SCN8A: variants seen among roughly 807,000 people sequenced by gnomAD.
The protein encoded by SCN8A is sodium channel protein type 8 subunit alpha.
A neutral mutation model predicts 184.1 loss-of-function variants in SCN8A; 30 were observed. That is an observed-to-expected ratio of 0.16 (90% CI 0.12 to 0.22). SCN8A has a LOEUF of 0.22. SCN8A is among the 10% of genes least tolerant of loss of function. SCN8A has a pLI of 1.00. For synonymous variants in SCN8A, 852 were observed against 907.0 expected (o/e 0.94, Z 1.09); for missense variants, 1,057 against 2,498.9 (o/e 0.42, Z 12.30).
chr12:51,667,387 A>G (rs914140030), intron 2 of SCN8A, among the ~76,000 whole-genome samples: 4 of 149,100 alleles, frequency 2.7e-5, no homozygotes, highest in African/African-American at 9.9e-5. Context: ...TTTTTTTTGG[A>G]GACAGAGTCT....
intron 1 of SCN8A, among the ~76,000 whole-genome samples, chr12:51,652,926 A>G (rs1238278050): frequency 6.6e-6 from 1 of 152,246 alleles, no homozygotes; most frequent in Admixed American, 6.5e-5. Context: ...TCAGAGTATC[A>G]TTTATGGCAT....
At chr12:51,793,227 A>C (rs1412609392) in intron 25 of SCN8A, among the ~76,000 whole-genome samples, 1 of 152,160 alleles carries the variant, frequency 6.6e-6, no homozygotes, top group African/African-American at 2.4e-5. Context: ...CCCAAGTTAT[A>C]ATTTTGGAGG....
chr12:51,676,713 A>G (rs1941228327), intron 2 of SCN8A, among the ~76,000 whole-genome samples: 1 of 152,246 alleles, frequency 6.6e-6, no homozygotes, highest in African/African-American at 2.4e-5. Flanking sequence ...AGGGACAGTC[A>G]TAAGTCATTG....
In SCN8A at chr12:51,810,108, T is replaced by G. The variant is rs1470949949; in HGVS notation, c.*2679T>G. On this transcript the variant is annotated 3_prime_UTR_variant, in exon 27 of 27. Coordinates refer to ENST00000627620, the MANE Select transcript of SCN8A (RefSeq NM_001330260.2). ...CTAGGGCATAGTGATGAGATTTTTC[T>G]GAGATCTAACCGTTTCCCTCCGCTA... The G allele has an allele frequency of 1.1e-5, 2 of 177,834 alleles. No homozygotes were observed. The highest frequency in any genetic ancestry group is 4.8e-5 in the African/African-American group (2 of 41,898). The allele number at this position is 177,834 out of a possible 1,614,324, so 11.0% of individuals were successfully genotyped here.
intron 1 of SCN8A, among the ~76,000 whole-genome samples, chr12:51,595,061 A>G (rs899538118): frequency 6.6e-6 from 1 of 152,210 alleles, no homozygotes; most frequent in African/African-American, 2.4e-5. Context: ...TGAGGAATCA[A>G]TAAACCTTTT....
chr12:51,628,948 A>T (rs1007068792), intron 1 of SCN8A, among the ~76,000 whole-genome samples: 1 of 152,144 alleles, frequency 6.6e-6, no homozygotes, highest in African/African-American at 2.4e-5. Flanking sequence ...AGATAAACAT[A>T]GAAGTGTGTA....
chr12:51,807,712 T>G lies in SCN8A; in HGVS notation c.*283T>G. On this transcript the variant is annotated 3_prime_UTR_variant, in exon 27 of 27. Coordinates refer to ENST00000627620, the MANE Select transcript of SCN8A (RefSeq NM_001330260.2). The surrounding 1 kb of genome is among the most constrained non-coding windows in gnomAD (Gnocchi z 4.5). ...GCAACTTAGGACAAAACTAACCAGA[T>G]ACAGAAACAGAAGAGAGGCTGCCGG... 1 of 429,060 alleles carries G rather than the reference T, an allele frequency of 2.3e-6. No individual in the cohort carries two copies. The highest frequency in any genetic ancestry group is 4.0e-5 in the Admixed American group (1 of 25,208). 26.6% of individuals were successfully genotyped at this position (429,060 alleles called of 1,614,324 possible). A position where few individuals can be genotyped will look rare whatever the true frequency, so the allele number is the denominator to read the frequency against.
chr12:51,634,784 G>A (rs1168495135), intron 1 of SCN8A, among the ~76,000 whole-genome samples: 3 of 151,716 alleles, frequency 2.0e-5, no homozygotes. Context: ...AAGTAGCTGG[G>A]ATTACAGGTG....
chr12:51,639,683 C>A (rs1176570426), intron 1 of SCN8A, among the ~76,000 whole-genome samples: 1 of 152,032 alleles, frequency 6.6e-6, no homozygotes, highest in Non-Finnish European at 1.5e-5. Flanking sequence ...CAGGAAACTT[C>A]ATTGTTGTCT....
At chr12:51,769,683 G>C (rs928590904) in intron 17 of SCN8A, among the ~76,000 whole-genome samples, 185 bp from the exon 18 acceptor site, 5 of 152,178 alleles carry the variant, frequency 3.3e-5, no homozygotes, top group African/African-American at 1.2e-4. Flanking sequence ...AGGTTTTGAT[G>C]TTATATCCCA....
chr12:51,682,549 A>G (rs1941352732), intron 2 of SCN8A, among the ~76,000 whole-genome samples: 1 of 152,210 alleles, frequency 6.6e-6, no homozygotes, highest in Non-Finnish European at 1.5e-5. Context: ...ATTTACATAG[A>G]AAATTTCTAG....
At chr12:51,750,825 T>C (rs188978097) in intron 13 of SCN8A, among the ~76,000 whole-genome samples, 16 of 152,332 alleles carry the variant, frequency 1.1e-4, no homozygotes, top group African/African-American at 3.8e-4. Context: ...GTCCATACTT[T>C]TGATGGCTTC....
intron 1 of SCN8A, among the ~76,000 whole-genome samples, chr12:51,620,620 G>A (rs1433422198): frequency 1.3e-5 from 2 of 151,942 alleles, no homozygotes; most frequent in East Asian, 3.9e-4. Flanking sequence ...AGCAATCATT[G>A]CATAAAACAT....
chr12:51,658,720 A>G (rs933920865), intron 1 of SCN8A, among the ~76,000 whole-genome samples: 2 of 152,216 alleles, frequency 1.3e-5, no homozygotes, highest in African/African-American at 2.4e-5. Flanking sequence ...TTAGAACTAG[A>G]TAACTGGTAG....
chr12:51,761,352 A>T (rs921599986), intron 14 of SCN8A, among the ~76,000 whole-genome samples: 4 of 152,188 alleles, frequency 2.6e-5, no homozygotes, highest in Non-Finnish European at 5.9e-5. Context: ...GTCATTGATT[A>T]TCCTATTGAA....
intron 1 of SCN8A, among the ~76,000 whole-genome samples, chr12:51,601,097 A>G (rs908675368): frequency 8.5e-5 from 13 of 152,216 alleles, no homozygotes; most frequent in African/African-American, 2.7e-4. Context: ...GCTCAAAGTA[A>G]CAGTAATTAA....
chr12:51,802,433 C>T (rs1938581832), intron 26 of SCN8A, among the ~76,000 whole-genome samples: 1 of 152,172 alleles, frequency 6.6e-6, no homozygotes, highest in Admixed American at 6.5e-5. Flanking sequence ...GTCGCAGGGT[C>T]CCATTCTTTT....
At chr12:51,667,906 G>A (rs187702413) in intron 2 of SCN8A, among the ~76,000 whole-genome samples, 189 of 152,152 alleles carry the variant, frequency 1.2e-3, no homozygotes, top group African/African-American at 4.4e-3. Flanking sequence ...ATATATGGCC[G>A]GGCGTGGTGG....
chr12:51,726,556 A>G (rs1942158128), intron 12 of SCN8A, among the ~76,000 whole-genome samples: 1 of 152,166 alleles, frequency 6.6e-6, no homozygotes, highest in Admixed American at 6.5e-5. Context: ...CAAGTTCTGT[A>G]TTTGTGCATA....
Sources: allele counts gnomAD v4.1 joint callset (sites outside exome capture counted in the v4.1 genomes callset), GRCh38; gene constraint gnomAD v4.1.1; non-coding constraint Gnocchi (gnomAD v3.1); transcripts MANE v1.5; gene names NCBI Gene and HGNC (gene_info 2026-07-23, HGNC 2026-07-21).